COL28A1: variants seen among roughly 807,000 people sequenced by gnomAD.
The protein encoded by COL28A1 is collagen alpha-1(XXVIII) chain.
Under a neutral mutation model 150.2 loss-of-function variants are expected in COL28A1, and 161 were observed. That is an observed-to-expected ratio of 1.07 (90% CI 0.94 to 1.22). The LOEUF (loss-of-function observed/expected upper bound fraction) is 1.22, where lower values mean the gene tolerates loss of function less well. Among genes scored for constraint, COL28A1 ranks in the 50% most tolerant of loss-of-function variants. COL28A1 has a pLI of 0.00. For synonymous variants in COL28A1, 552 were observed against 469.7 expected, an observed-to-expected ratio of 1.18 and a Z score of -2.26; for missense variants, 1,617 against 1,388.3, an observed-to-expected ratio of 1.16 and a Z score of -2.62.
At chr7:7,410,349 C>T (rs546696974) in intron 27 of COL28A1, among the ~76,000 whole-genome samples, 1 of 152,304 alleles carries the variant, frequency 6.6e-6, no homozygotes, top group African/African-American at 2.4e-5. Flanking sequence ...ACCCTCGACC[C>T]CCTGCCACAA....
rs74469715 is a variant in COL28A1, at chr7:7,423,298, T to C, written c.1999-3345A>G. Among the ~76,000 whole-genome samples the C allele has an allele frequency of 5.2e-3, 785 of 152,346 alleles. 7 individuals carry two copies. Among genetic ancestry groups the C allele is most frequent in the Non-Finnish European group, 8.6e-3 (586 of 68,034 alleles). On this transcript the variant is annotated intron_variant, in intron 25 of 34. Coordinates refer to ENST00000399429, the MANE Select transcript of COL28A1 (RefSeq NM_001037763.3). ...AGTGTGATATGTAAATGAGAGTTCA[T>C]TTCACTAGTCTTTCCACTTTTGTGC...
At chr7:7,345,962 A>T in the COL28A1 span, among the ~76,000 whole-genome samples, 97 of 152,118 alleles carry the variant, frequency 6.4e-4, no homozygotes, top group African/African-American at 2.3e-3. Context: ...CATCATCCAC[A>T]AGCTCCTTGA....
At chr7:7,349,263 T>A in the COL28A1 span, among the ~76,000 whole-genome samples, 1 of 152,114 alleles carries the variant, frequency 6.6e-6, no homozygotes, top group East Asian at 1.9e-4. Flanking sequence ...TTAAGTTTAT[T>A]AGCACCTATT....
At chr7:7,462,473 A>T (rs1583432086) in intron 15 of COL28A1, among the ~76,000 whole-genome samples, 1 of 152,228 alleles carries the variant, frequency 6.6e-6, no homozygotes, top group African/African-American at 2.4e-5. Flanking sequence ...AAGGAAATTT[A>T]AAAAATGATA....
At chr7:7,488,702 A>T (rs939323277) in intron 13 of COL28A1, among the ~76,000 whole-genome samples, 1 of 152,232 alleles carries the variant, frequency 6.6e-6, no homozygotes, top group Non-Finnish European at 1.5e-5. Context: ...GCTTTAGAGC[A>T]TACTCATGGA....
chr7:7,427,229 T>A (rs932075861), intron 25 of COL28A1, among the ~76,000 whole-genome samples: 1 of 152,138 alleles, frequency 6.6e-6, no homozygotes, highest in Non-Finnish European at 1.5e-5. Context: ...CTTTTCCTGG[T>A]CTTGGATATG....
At chr7:7,435,318 A>G (rs2128316112) in intron 23 of COL28A1, among the ~76,000 whole-genome samples, 1 of 152,374 alleles carries the variant, frequency 6.6e-6, no homozygotes, top group Non-Finnish European at 1.5e-5. Context: ...GCAGTTTTCA[A>G]ATTAGAAAAT....
chr7:7,357,808 T>C (rs1780412287), downstream of COL28A1: 1 of 152,180 alleles, frequency 6.6e-6, no homozygotes, highest in Admixed American at 6.5e-5. Context: ...TTCAATTTGG[T>C]GGCTCACTTT....
At chr7:7,462,552 A>G (rs867108705) in intron 15 of COL28A1, among the ~76,000 whole-genome samples, 1 of 152,210 alleles carries the variant, frequency 6.6e-6, no homozygotes, top group South Asian at 2.1e-4. Context: ...ACTTCAGGAA[A>G]CATGGACACA....
At chr7:7,508,512 A>T (rs906582203) in intron 9 of COL28A1, among the ~76,000 whole-genome samples, 1 of 152,214 alleles carries the variant, frequency 6.6e-6, no homozygotes, top group Non-Finnish European at 1.5e-5. Flanking sequence ...AAGAGAGAGA[A>T]ACTTCCTCCA....
At chr7:7,487,258 G>C (rs1295714739) in intron 13 of COL28A1, among the ~76,000 whole-genome samples, 1 of 152,040 alleles carries the variant, frequency 6.6e-6, no homozygotes, top group South Asian at 2.1e-4. Context: ...AAGTTCTTTG[G>C]AAAAAACAAT....
the COL28A1 span, among the ~76,000 whole-genome samples, chr7:7,344,454 T>A: frequency 6.6e-6 from 1 of 152,142 alleles, no homozygotes; most frequent in Non-Finnish European, 1.5e-5. Context: ...TTTTAGTTTA[T>A]CTCAACCTAC....
intron 33 of COL28A1, among the ~76,000 whole-genome samples, chr7:7,366,978 G>A (rs1260542205): frequency 1.4e-4 from 22 of 152,306 alleles, no homozygotes; most frequent in African/African-American, 2.2e-4. Flanking sequence ...GTGTGTGTGC[G>A]CGCGTGCATG....
intron 15 of COL28A1, among the ~76,000 whole-genome samples, chr7:7,459,460 C>T (rs73346330): frequency 0.12 from 17,850 of 152,240 alleles, 1,135 homozygotes; most frequent in Middle Eastern, 0.21. Flanking sequence ...AAACCCAGCA[C>T]TTGAGATAAT....
chr7:7,413,718 T>G lies in COL28A1; in HGVS notation c.2136+4141A>C, dbSNP rs563293883. On this transcript the variant is annotated intron_variant, in intron 27 of 34. Coordinates refer to ENST00000399429, the MANE Select transcript of COL28A1 (RefSeq NM_001037763.3). ...CCACCAACCAGGAACACACACATTGTACTGTTATGTGAGCAAAACCCTCTA... is the reference window on the plus strand; with the variant it reads ...CCACCAACCAGGAACACACACATTGGACTGTTATGTGAGCAAAACCCTCTA... Among the ~76,000 whole-genome samples, 26 of 152,332 alleles carry G rather than the reference T, an allele frequency of 1.7e-4. No homozygotes were observed. The East Asian group carries it at 2.7e-3, about 16-fold the overall frequency.
At chr7:7,488,303 T>C (rs1239437849) in intron 13 of COL28A1, among the ~76,000 whole-genome samples, 3 of 152,216 alleles carry the variant, frequency 2.0e-5, no homozygotes, top group Non-Finnish European at 1.5e-5. Context: ...TTTTTTGAAT[T>C]AGTATGTTCA....
At chr7:7,417,095 C>G (rs1014952968) in intron 27 of COL28A1, among the ~76,000 whole-genome samples, 1 of 152,016 alleles carries the variant, frequency 6.6e-6, no homozygotes, top group African/African-American at 2.4e-5. Context: ...AGAACAACAT[C>G]ATCAACATAT....
chr7:7,530,093 T>A (rs1448641036), intron 3 of COL28A1, among the ~76,000 whole-genome samples: 1 of 152,176 alleles, frequency 6.6e-6, no homozygotes, highest in African/African-American at 2.4e-5. Context: ...AATATTTTTT[T>A]AAAAAGCAGT....
At chr7:7,539,435 T>C (rs747099093), upstream of COL28A1, among the ~76,000 whole-genome samples, 1 of 152,134 alleles carries the variant, frequency 6.6e-6, no homozygotes, top group Non-Finnish European at 1.5e-5. Flanking sequence ...AGGATGGCAT[T>C]AAGTCATTCA....
Sources: gnomAD v4.1 joint callset for allele counts (sites outside exome capture counted in the v4.1 genomes callset) on GRCh38, gnomAD v4.1.1 for gene constraint, MANE v1.5 for transcripts, NCBI Gene and HGNC (gene_info 2026-07-23, HGNC 2026-07-21) for gene names.